Variants in USP25 observed in about 807,000 individuals in gnomAD.
The protein encoded by USP25 is ubiquitin carboxyl-terminal hydrolase 25.
Under a neutral mutation model 158.5 loss-of-function variants are expected in USP25, and 85 were observed. That is an observed-to-expected ratio of 0.54 (90% confidence interval 0.45 to 0.64). The LOEUF is 0.64. USP25 is among the 30% of genes least tolerant of loss of function. The probability of loss-of-function intolerance (pLI) is 0.00; values close to 1 mark genes in which losing one functional copy is unlikely to be tolerated. For synonymous variants in USP25, 464 were observed against 460.4 expected (o/e 1.01, Z -0.10); for missense variants, 1,242 against 1,327.3 (o/e 0.94, Z 1.00).
At chr21:15,767,016 A>G (rs916594496) in intron 3 of USP25, among the ~76,000 whole-genome samples, 4 of 152,056 alleles carry the variant, frequency 2.6e-5, no homozygotes, top group African/African-American at 9.7e-5. Context: ...TGCTACATAG[A>G]TGATCTTGTG....
rs1198394857 is a variant in USP25, at chr21:15,730,358, G to C, written c.-36G>C. ...CCGGCGGAGGCGCGAGGAGCCGGGCGCCACCGCCGCCGCCGCCGCCGCCGC... is the reference window on the plus strand; with the variant it reads ...CCGGCGGAGGCGCGAGGAGCCGGGCCCCACCGCCGCCGCCGCCGCCGCCGC... On this transcript the variant is annotated 5_prime_UTR_variant, in exon 1 of 26. Coordinates refer to ENST00000400183, the MANE Select transcript of USP25 (RefSeq NM_001283041.3). The C allele has an allele frequency of 1.7e-6, 2 of 1,170,266 alleles. No homozygotes were observed. The highest frequency in any genetic ancestry group is 3.8e-5 in the African/African-American group (2 of 52,514). The allele number at this position is 1,170,266 out of a possible 1,614,324, so 72.5% of individuals were successfully genotyped here.
chr21:15,733,324 G>C (rs938412510), intron 1 of USP25, among the ~76,000 whole-genome samples: 1 of 152,046 alleles, frequency 6.6e-6, no homozygotes, highest in Non-Finnish European at 1.5e-5. Flanking sequence ...GCTTAGAACA[G>C]TTCTTTACAC....
rs558143875 is a variant in USP25, at chr21:15,736,358, G to A, written c.45+5920G>A. Among the ~76,000 whole-genome samples the A allele has an allele frequency of 1.9e-4, 29 of 152,148 alleles. No individual in the cohort carries two copies. In the South Asian group the frequency reaches 5.2e-3, roughly 27 times the overall value. On this transcript the variant is annotated intron_variant, in intron 1 of 25. Transcript: ENST00000400183. ...AGTGATCAGCCTGCCTTGGGCTCCCGAAGTACTGGGCAGTTTCTCTTTGTA... is the reference window on the plus strand; with the variant it reads ...AGTGATCAGCCTGCCTTGGGCTCCCAAAGTACTGGGCAGTTTCTCTTTGTA...
chr21:15,730,617 A>G (rs1167303414), intron 1 of USP25, among the ~76,000 whole-genome samples, 179 bp downstream of exon 1: 2 of 152,146 alleles, frequency 1.3e-5, no homozygotes, highest in Non-Finnish European at 2.9e-5. Context: ...TGCGTGTGGG[A>G]AGCAGAGTGT....
chr21:15,787,030 A>G (rs975010488), intron 4 of USP25, among the ~76,000 whole-genome samples: 4 of 152,152 alleles, frequency 2.6e-5, no homozygotes, highest in African/African-American at 9.6e-5. Flanking sequence ...AAAAATCTAG[A>G]TACCTAAGAA....
intron 7 of USP25, 115 bp downstream of exon 7, chr21:15,805,373 A>G (rs878980152): frequency 9.4e-7 from 1 of 1,061,222 alleles, no homozygotes; most frequent in South Asian, 3.6e-5. Flanking sequence ...CTTTATTAAA[A>G]ATAACCTGGA....
intron 15 of USP25, 109 bp from the exon 16 acceptor site, chr21:15,831,292 A>C (rs149983636): frequency 9.9e-7 from 1 of 1,011,150 alleles, no homozygotes; most frequent in Non-Finnish European, 1.5e-6. Flanking sequence ...ATTTAAAAAA[A>C]AAAATGCTCT....
At chr21:15,834,995 G>A (rs1485685454) in intron 17 of USP25, among the ~76,000 whole-genome samples, 1 of 152,120 alleles carries the variant, frequency 6.6e-6, no homozygotes, top group Admixed American at 6.5e-5. Flanking sequence ...AAACATTTCT[G>A]TCCCTTTGTG....
At chr21:15,818,362 T>C (rs2037056117) in intron 9 of USP25, among the ~76,000 whole-genome samples, 1 of 152,212 alleles carries the variant, frequency 6.6e-6, no homozygotes, top group East Asian at 1.9e-4. Context: ...GAGAATTTTC[T>C]CAGCTCAGGG....
rs535578001 is a variant in USP25, at chr21:15,770,525, T to C, written c.268+4384T>C. 8.9e-4 allele frequency among the ~76,000 whole-genome samples: 136 copies of C among 152,278 alleles called. 1 individual carries two copies. The highest frequency in any genetic ancestry group is 3.1e-3 in the African/African-American group (128 of 41,564). The stretch of plus-strand genomic sequence containing the variant: ...AAATTGAAAAACATAGTAGAATTAA[T>C]GACAAAACTCTGGAATGACTCCCTT... On this transcript the variant is annotated intron_variant, in intron 3 of 25. Transcript: ENST00000400183.
At chr21:15,823,910 A>G (rs2037361124) in intron 10 of USP25, 129 bp from the exon 11 acceptor site, 6 of 883,546 alleles carry the variant, frequency 6.8e-6, no homozygotes, top group Admixed American at 6.4e-5. Flanking sequence ...CTGTGTACCC[A>G]GTTACTTGTC....
intron 4 of USP25, among the ~76,000 whole-genome samples, chr21:15,783,558 GGAGA>G (rs770071041): frequency 4.5e-4 from 68 of 152,216 alleles, no homozygotes; most frequent in Non-Finnish European, 7.8e-4. Flanking sequence ...GCACAAGACA[GGAGA>G]GAGTGGGATG....
intron 17 of USP25, among the ~76,000 whole-genome samples, chr21:15,839,259 A>G (rs2038212205): frequency 6.6e-6 from 1 of 152,142 alleles, no homozygotes; most frequent in Admixed American, 6.5e-5. Context: ...ACACAGGGAA[A>G]ACCCTAGAGA....
intron 1 of USP25, among the ~76,000 whole-genome samples, chr21:15,759,759 AC>A (rs982960660): frequency 6.6e-6 from 1 of 151,770 alleles, no homozygotes; most frequent in South Asian, 2.1e-4. Context: ...AGGCATGTCT[AC>A]CCCCCACTTC....
chr21:15,859,642 T>C (rs932704228), intron 20 of USP25, among the ~76,000 whole-genome samples: 12 of 152,150 alleles, frequency 7.9e-5, no homozygotes, highest in Admixed American at 7.9e-4. Flanking sequence ...ACTTTTAAGT[T>C]TTACAGAGTC....
At chr21:15,744,323 TTTGTTG>T (rs141615620) in intron 1 of USP25, 11,489 of 152,336 alleles carry the variant, frequency 0.075, 469 homozygotes, top group East Asian at 0.09. Context: ...TCTGCGTTTT[TTTGTTG>T]TTGTTGTTAT....
In USP25 at chr21:15,766,334, T is replaced by G. The variant is rs2034036929; in HGVS notation, c.268+193T>G. On this transcript the variant is annotated intron_variant, in intron 3 of 25. Transcript: ENST00000400183. The surrounding 1 kb of genome is among the most constrained non-coding windows in gnomAD (Gnocchi z 4.0). ...TTATAAGGAAAAGATTTTATGTAAGTTATATAGTTTTTCATAGAGCATTTC... is the reference window on the plus strand; with the variant it reads ...TTATAAGGAAAAGATTTTATGTAAGGTATATAGTTTTTCATAGAGCATTTC... Among the ~76,000 whole-genome samples the G allele has an allele frequency of 6.6e-6, 1 of 152,012 alleles. No individual in the cohort carries two copies. Among genetic ancestry groups the G allele is most frequent in the South Asian group, 2.1e-4 (1 of 4,820 alleles).
At chr21:15,759,608 G>C (rs186235325) in intron 1 of USP25, among the ~76,000 whole-genome samples, 2 of 152,280 alleles carry the variant, frequency 1.3e-5, no homozygotes, top group East Asian at 3.9e-4. Flanking sequence ...GAATGTCTGG[G>C]TTAAGATAAG....
intron 1 of USP25, among the ~76,000 whole-genome samples, chr21:15,737,615 T>G (rs2031645962): frequency 6.6e-6 from 1 of 152,112 alleles, no homozygotes; most frequent in African/African-American, 2.4e-5. Context: ...ACTTAAAAAT[T>G]TTAAGAACTT....
Sources: gnomAD v4.1 joint callset for allele counts (sites outside exome capture counted in the v4.1 genomes callset) on GRCh38, gnomAD v4.1.1 for gene constraint, Gnocchi (gnomAD v3.1) non-coding constraint, MANE v1.5 for transcripts, NCBI Gene and HGNC (gene_info 2026-07-23, HGNC 2026-07-21) for gene names.